LPP: variants seen among roughly 807,000 people sequenced by gnomAD.
LPP encodes the protein LIM domain containing preferred translocation partner in lipoma.
A neutral mutation model predicts 60.4 loss-of-function variants in LPP; 38 were observed. The observed-to-expected ratio is 0.63, with a 90% CI of 0.49 to 0.83. The LOEUF (loss-of-function observed/expected upper bound fraction) is 0.83, where lower values mean the gene tolerates loss of function less well. LPP is among the 40% of genes least tolerant of loss of function. The pLI is 0.00. For synonymous variants in LPP, 328 were observed against 290.8 expected, an observed-to-expected ratio of 1.13 and a Z score of -1.30; for missense variants, 902 against 783.6, an observed-to-expected ratio of 1.15 and a Z score of -1.80.
At chr3:188,829,397 C>T (rs1172115856) in intron 9 of LPP, among the ~76,000 whole-genome samples, 3 of 152,172 alleles carry the variant, frequency 2.0e-5, no homozygotes, top group Non-Finnish European at 4.4e-5. Flanking sequence ...CACTTACACA[C>T]GATCTTAACC....
chr3:188,852,385 T>C (rs1398588292), intron 9 of LPP, among the ~76,000 whole-genome samples: 2 of 152,194 alleles, frequency 1.3e-5, no homozygotes, highest in Non-Finnish European at 1.5e-5. Flanking sequence ...CCTAACTTCT[T>C]ACATGGTAAC....
At chr3:188,714,182 A>G (rs963677700) in intron 8 of LPP, among the ~76,000 whole-genome samples, 1 of 152,164 alleles carries the variant, frequency 6.6e-6, no homozygotes, top group Non-Finnish European at 1.5e-5. Context: ...GTCTATCATA[A>G]TACATTACCA....
intron 8 of LPP, chr3:188,710,873 A>G (rs1385991361): frequency 6.6e-6 from 1 of 152,198 alleles, no homozygotes; most frequent in Non-Finnish European, 1.5e-5. Context: ...AAGCTCTACT[A>G]CTTAGTAGCT....
At chr3:188,633,624 A>T (rs1287049640) in intron 7 of LPP, among the ~76,000 whole-genome samples, 1 of 152,222 alleles carries the variant, frequency 6.6e-6, no homozygotes, top group African/African-American at 2.4e-5. Context: ...ATATTAAAAT[A>T]AAGTCAGATA....
chr3:188,370,207 T>C (rs1772599983), intron 3 of LPP, among the ~76,000 whole-genome samples: 2 of 152,182 alleles, frequency 1.3e-5, no homozygotes, highest in Admixed American at 1.3e-4. Flanking sequence ...ATTACAGGCG[T>C]GAGTCACCAC....
intron 2 of LPP, among the ~76,000 whole-genome samples, chr3:188,286,569 TTTTTGTAAATAATAA>T (rs1743985938): frequency 1.3e-5 from 2 of 152,194 alleles, no homozygotes; most frequent in Non-Finnish European, 2.9e-5. Context: ...AACTTCTTAT[TTTTTGTAAATAATAA>T]TACAATATTC....
chr3:188,454,693 C>T (rs965241480), intron 4 of LPP, among the ~76,000 whole-genome samples: 2 of 152,074 alleles, frequency 1.3e-5, no homozygotes, highest in African/African-American at 4.8e-5. Context: ...GCACATCTTA[C>T]ATGGCGGAAG....
intron 4 of LPP, among the ~76,000 whole-genome samples, chr3:188,462,498 T>A: frequency 7.2e-6 from 1 of 139,706 alleles, no homozygotes; most frequent in Non-Finnish European, 1.5e-5. Flanking sequence ...ACCTTCCTGG[T>A]AACACACCAA....
intron 6 of LPP, among the ~76,000 whole-genome samples, chr3:188,586,026 G>T (rs73056712): frequency 0.14 from 21,345 of 152,130 alleles, 2,787 homozygotes; most frequent in African/African-American, 0.35. Context: ...AAGATCTTTT[G>T]CATTCTACTT....
intron 2 of LPP, among the ~76,000 whole-genome samples, chr3:188,270,666 A>G (rs1737440976): frequency 6.6e-6 from 1 of 152,216 alleles, no homozygotes; most frequent in Non-Finnish European, 1.5e-5. Flanking sequence ...AGAAATGTGC[A>G]TTCATAACTG....
At chr3:188,447,464 G>A (rs553827291) in intron 4 of LPP, among the ~76,000 whole-genome samples, 182 of 152,136 alleles carry the variant, frequency 1.2e-3, no homozygotes, top group Non-Finnish European at 2.1e-3. Context: ...ACAAAAATTA[G>A]TCAGGCATGG....
chr3:188,817,502 T>A (rs947592506), intron 9 of LPP, among the ~76,000 whole-genome samples: 1 of 152,238 alleles, frequency 6.6e-6, no homozygotes, highest in Non-Finnish European at 1.5e-5. Flanking sequence ...TGGATGTCTC[T>A]TCTGCAGCTG....
chr3:188,625,730 G>A (rs1846713640), intron 7 of LPP, among the ~76,000 whole-genome samples: 1 of 152,134 alleles, frequency 6.6e-6, no homozygotes, highest in African/African-American at 2.4e-5. Context: ...ACAGGAAACT[G>A]AATAAGAGAC....
At chr3:188,612,042 A>G (rs554381596) in intron 7 of LPP, among the ~76,000 whole-genome samples, 1 of 152,296 alleles carries the variant, frequency 6.6e-6, no homozygotes, top group East Asian at 1.9e-4. Flanking sequence ...ATTCAAGATG[A>G]TCTATTAGAT....
At chr3:188,811,791 T>A (rs944509407) in intron 9 of LPP, among the ~76,000 whole-genome samples, 1 of 152,126 alleles carries the variant, frequency 6.6e-6, no homozygotes, top group Admixed American at 6.5e-5. Context: ...CACTGAAACG[T>A]TTGAGTATTG....
chr3:188,863,632 A>G (rs900341238), intron 9 of LPP, among the ~76,000 whole-genome samples: 1 of 152,154 alleles, frequency 6.6e-6, no homozygotes, highest in African/African-American at 2.4e-5. Flanking sequence ...GAAGGATAAC[A>G]TGTCCTTCTA....
chr3:188,873,031 T>C (rs1200758628), intron 11 of LPP, among the ~76,000 whole-genome samples: 3 of 152,046 alleles, frequency 2.0e-5, no homozygotes, highest in Non-Finnish European at 2.9e-5. Context: ...AATACAAAAT[T>C]GTATATTAAA....
At chr3:188,631,643 T>TTTGTCTCC (rs1560673054) in intron 7 of LPP, among the ~76,000 whole-genome samples, 2 of 152,174 alleles carry the variant, frequency 1.3e-5, no homozygotes, top group Non-Finnish European at 2.9e-5. Context: ...TTTACTCCTG[T>TTTGTCTCC]TTGTCTCCTC....
In LPP at chr3:188,862,936, A is replaced by T. The variant is rs560286104; in HGVS notation, c.1411-3264A>T. ...GGGTTCAGATGAATCCAATATTTGT[A>T]TGAAGCGTGCATCTTTTTGTCTGGC... On this transcript the variant is annotated intron_variant, in intron 9 of 11. Coordinates refer to ENST00000617246, the MANE Select transcript of LPP (RefSeq NM_001375462.1). 2.0e-5 allele frequency among the ~76,000 whole-genome samples: 3 copies of T among 152,150 alleles called. No individual in the cohort carries two copies. In the East Asian group the frequency reaches 5.8e-4, roughly 29 times the overall value.
Sources: gnomAD v4.1 joint callset for allele counts (sites outside exome capture counted in the v4.1 genomes callset) on GRCh38, gnomAD v4.1.1 for gene constraint, MANE v1.5 for transcripts, NCBI Gene and HGNC (gene_info 2026-07-23, HGNC 2026-07-21) for gene names.